GNAS-AS1: variants seen among roughly 807,000 people sequenced by gnomAD.
GNAS-AS1 encodes GNAS antisense RNA 1 (non-protein coding).
At chr20:58,830,806 G>A (rs937560523) in intron 4 of GNAS-AS1, among the ~76,000 whole-genome samples, 10 of 151,364 alleles carry the variant, frequency 6.6e-5, no homozygotes, top group African/African-American at 2.4e-4. Flanking sequence ...TTTATATCCA[G>A]GCCTGTGTGA....
Position 58,840,659 on chromosome 20 carries a change from C to A in GNAS-AS1, n.819+1278G>T. The A allele has an allele frequency of 1.2e-6, 2 of 1,605,248 alleles. No homozygotes were observed. Among genetic ancestry groups the A allele is most frequent in the Middle Eastern group, 1.7e-4 (1 of 6,054 alleles). On this transcript the variant is annotated intron_variant and non_coding_transcript_variant, in intron 4 of 4. Transcript: ENST00000424094. The surrounding 1 kb of genome is among the most constrained non-coding windows in gnomAD (Gnocchi z 6.0). ...TCGCGCGCCGCCCAGCACTCAGGAG[C>A]CCCAGAGCCCCAGGGAAGGGGAGGA...
At chr20:58,830,315 ACAC>A (rs2085549878) in intron 4 of GNAS-AS1, among the ~76,000 whole-genome samples, 1 of 115,382 alleles carries the variant, frequency 8.7e-6, no homozygotes. Flanking sequence ...CACCACCACC[ACAC>A]CATCATCATC....
At position 58,840,081 on chromosome 20, in the gene GNAS-AS1, C is replaced by T. The variant is rs1483618274; in HGVS notation, n.819+1856G>A. The T allele has an allele frequency of 4.4e-6, 7 of 1,608,462 alleles. 1 individual carries two copies. The South Asian group carries it at 7.7e-5, about 18-fold the overall frequency. ...CTCTCTGCAGAGCCAGAGGGCAGGC[C>T]GGCTTCTCGGTGTGTGCCTAAGAGG... On this transcript the variant is annotated intron_variant and non_coding_transcript_variant, in intron 4 of 4. Transcript: ENST00000424094. The surrounding 1 kb of genome is among the most constrained non-coding windows in gnomAD (Gnocchi z 6.0).
rs1221681102 is a variant in GNAS-AS1, at chr20:58,841,678, G to C, written n.819+259C>G. 5.1e-6 allele frequency: 6 copies of C among 1,178,990 alleles called. No individual in the cohort carries two copies. Among genetic ancestry groups the C allele is most frequent in the Non-Finnish European group, 6.3e-6 (6 of 954,264 alleles). The allele number at this position is 1,178,990 out of a possible 1,614,324, so 73.0% of individuals were successfully genotyped here. ...TTAGGGGAAAGTACCTGGGGGAAAG[G>C]TAGAGGAGGTAAGGGGACCCTTGGG... On this transcript the variant is annotated intron_variant and non_coding_transcript_variant, in intron 4 of 4. Coordinates refer to ENST00000424094, the Ensembl canonical transcript of GNAS-AS1. This position sits in a 1 kb window ranked among gnomAD's most constrained non-coding sequence, Gnocchi z 5.0.
At chr20:58,848,386 G>A (rs1482644502) in intron 2 of GNAS-AS1, among the ~76,000 whole-genome samples, 1 of 152,102 alleles carries the variant, frequency 6.6e-6, no homozygotes, top group East Asian at 1.9e-4. Context: ...TCAGGCACCA[G>A]CCTCTCCTGA....
At chr20:58,822,218 T>C (rs2085491546) in intron 4 of GNAS-AS1, among the ~76,000 whole-genome samples, 1 of 152,186 alleles carries the variant, frequency 6.6e-6, no homozygotes, top group African/African-American at 2.4e-5. Context: ...AGAACTCAGT[T>C]GCTGGGTCCC....
intron 4 of GNAS-AS1, among the ~76,000 whole-genome samples, chr20:58,838,118 C>T (rs1329696031): frequency 6.6e-6 from 1 of 152,190 alleles, no homozygotes; most frequent in Non-Finnish European, 1.5e-5. Context: ...TTGATACTCC[C>T]AGGGATTTTA....
intron 4 of GNAS-AS1, among the ~76,000 whole-genome samples, chr20:58,824,242 A>G (rs1017713456): frequency 2.6e-5 from 4 of 152,260 alleles, no homozygotes; most frequent in African/African-American, 9.6e-5. Context: ...AAACCAGAGC[A>G]GCAGAAGCTG....
intron 4 of GNAS-AS1, chr20:58,838,831 C>A (rs1049637792): frequency 5.1e-6 from 2 of 389,220 alleles, no homozygotes; most frequent in Non-Finnish European, 8.9e-6. Context: ...GTAGGAGAAT[C>A]TCTTGAAGCC....
chr20:58,820,714 T>G lies in GNAS-AS1; in HGVS notation n.820-1459A>C, dbSNP rs552072344. On this transcript the variant is annotated intron_variant and non_coding_transcript_variant, in intron 4 of 4. Coordinates refer to ENST00000424094, the Ensembl canonical transcript of GNAS-AS1. ...AGAAGGCAAGGAGGAGCAAGTCACA[T>G]CTTACATGGATGGCAGCAGGCAAAG... Among the ~76,000 whole-genome samples the G allele has an allele frequency of 6.6e-5, 10 of 152,356 alleles. No homozygotes were observed. The East Asian group carries it at 1.9e-3, about 29-fold the overall frequency.
intron 2 of GNAS-AS1, among the ~76,000 whole-genome samples, chr20:58,846,734 C>T (rs2085954943): frequency 6.6e-6 from 1 of 152,158 alleles, no homozygotes; most frequent in East Asian, 1.9e-4. Context: ...ATGTCGCTGT[C>T]TTAATTAGAT....
chr20:58,829,026 C>A (rs1162469559), intron 4 of GNAS-AS1, among the ~76,000 whole-genome samples: 1 of 151,642 alleles, frequency 6.6e-6, no homozygotes, highest in Non-Finnish European at 1.5e-5. Flanking sequence ...GAGCTCCTGG[C>A]CCCACCGCCC....
intron 4 of GNAS-AS1, chr20:58,826,910 A>C (rs1417389389): frequency 1.6e-5 from 2 of 123,144 alleles, no homozygotes; most frequent in Admixed American, 2.0e-4. Context: ...ATGGTGTTTC[A>C]TCATGTTGCC....
At chr20:58,843,746 T>C (rs2085833662) in intron 2 of GNAS-AS1, among the ~76,000 whole-genome samples, 1 of 152,216 alleles carries the variant, frequency 6.6e-6, no homozygotes, top group South Asian at 2.1e-4. Flanking sequence ...ATTTGCTTAA[T>C]GGAAATTTGC....
chr20:58,830,461 C>CAAT (rs2085554797), intron 4 of GNAS-AS1, among the ~76,000 whole-genome samples: 3 of 139,830 alleles, frequency 2.1e-5, no homozygotes, highest in East Asian at 2.2e-4. Context: ...ACCATCACCA[C>CAAT]CACCACACCA....
Position 58,846,804 on chromosome 20 carries a change from T to C in GNAS-AS1, n.413+2075A>G, listed in dbSNP as rs571613111. On this transcript the variant is annotated intron_variant and non_coding_transcript_variant, in intron 2 of 4. Coordinates refer to ENST00000424094, the Ensembl canonical transcript of GNAS-AS1. The stretch of plus-strand genomic sequence containing the variant: ...TGTTCTAGAAGGTGAAATATACCAT[T>C]CCCCTTAAACAATGATGCCCAGAAG... Among the ~76,000 whole-genome samples, 24 of 152,288 alleles carry C rather than the reference T, an allele frequency of 1.6e-4. No homozygotes were observed. The East Asian group carries it at 4.4e-3, about 28-fold the overall frequency.
chr20:58,842,253 A>G, intron 3 of GNAS-AS1: 1 of 398,444 alleles, frequency 2.5e-6, no homozygotes. Flanking sequence ...TGTCTTTAAA[A>G]AATCTCATCC....
At position 58,833,082 on chromosome 20, in the gene GNAS-AS1, C is replaced by A. The variant is rs574405528; in HGVS notation, n.819+8855G>T. ...GGCACTGCTGGACTTCTTGCTGGGC[C>A]ATTGGCTCCCTAAATACACAGATTA... On this transcript the variant is annotated intron_variant and non_coding_transcript_variant, in intron 4 of 4. Coordinates refer to ENST00000424094, the Ensembl canonical transcript of GNAS-AS1. 5.3e-4 allele frequency among the ~76,000 whole-genome samples: 81 copies of A among 152,382 alleles called. 1 individual carries two copies. The highest frequency in any genetic ancestry group is 9.8e-4 in the Non-Finnish European group (67 of 68,028).
At position 58,841,462 on chromosome 20, in the gene GNAS-AS1, C is replaced by T. The variant is rs1439670896; in HGVS notation, n.819+475G>A. On this transcript the variant is annotated intron_variant and non_coding_transcript_variant, in intron 4 of 4. Coordinates refer to ENST00000424094, the Ensembl canonical transcript of GNAS-AS1. This position sits in a 1 kb window ranked among gnomAD's most constrained non-coding sequence, Gnocchi z 5.0. ...TCACGCGCGCGCGGCGCCTAAGCAG[C>T]TCAGAGCCGGAGCCCAGGTCCCAGA... is the stretch of plus-strand genomic sequence containing the variant. 22 of 992,324 alleles carry T rather than the reference C, an allele frequency of 2.2e-5. No homozygotes were observed. The highest frequency in any genetic ancestry group is 2.5e-5 in the Non-Finnish European group (21 of 834,506). 61.5% of individuals were successfully genotyped at this position (992,324 alleles called of 1,614,324 possible).
Sources: allele counts gnomAD v4.1 joint callset (sites outside exome capture counted in the v4.1 genomes callset), GRCh38; gene constraint gnomAD v4.1.1; non-coding constraint Gnocchi (gnomAD v3.1); transcripts MANE v1.5; gene names NCBI Gene and HGNC (gene_info 2026-07-23, HGNC 2026-07-21).